RABGAP1L: variants seen among roughly 807,000 people sequenced by gnomAD.
RABGAP1L encodes RAB GTPase activating protein 1 like.
RABGAP1L carries 63 observed loss-of-function variants against 137.7 expected under a neutral mutation model. That is an observed-to-expected ratio of 0.46 (90% CI 0.37 to 0.56). The LOEUF is 0.56. Ranked by LOEUF, RABGAP1L falls within the 20% of genes least tolerant of loss-of-function variation. The pLI, the probability that RABGAP1L is intolerant of heterozygous loss-of-function variation, is 0.00. For missense variants in RABGAP1L, 1,095 were observed against 1,244.0 expected (o/e 0.88, Z 1.80); for synonymous variants, 431 against 433.7 (o/e 0.99, Z 0.08).
chr1:174,278,698 C>G lies in RABGAP1L; in HGVS notation c.1242C>G (p.Val414=). The change falls in exon 10 of 26, where the codon GTC becomes GTG. Residue 414 remains valine, a synonymous_variant. Coordinates refer to ENST00000681986, the MANE Select transcript of RABGAP1L (RefSeq NM_001366446.1). ...TTCGCTTTCTCCTGGAGACAGTAGT[C>G]CGTGTGTACCCTGCAAATGAGCGAT... ...EPVRFLLETV[V]RVYPANERFW... 6.2e-7 allele frequency: 1 copy of G among 1,600,366 alleles called. No homozygotes were observed. Among genetic ancestry groups the G allele is most frequent in the Non-Finnish European group, 8.5e-7 (1 of 1,176,230 alleles).
intron 13 of RABGAP1L, among the ~76,000 whole-genome samples, chr1:174,541,182 G>A (rs553293277): frequency 6.6e-6 from 1 of 152,298 alleles, no homozygotes; most frequent in South Asian, 2.1e-4. Context: ...AGCTTAGGGA[G>A]ATTTTGGGCT....
chr1:174,658,405 G>C (rs1486555162), intron 14 of RABGAP1L, among the ~76,000 whole-genome samples: 2 of 152,110 alleles, frequency 1.3e-5, no homozygotes, highest in East Asian at 3.9e-4. Flanking sequence ...AACAGCAGAA[G>C]ATTAATCTAG....
intron 11 of RABGAP1L, among the ~76,000 whole-genome samples, chr1:174,326,944 A>G (rs1001735401): frequency 1.3e-5 from 2 of 152,202 alleles, no homozygotes; most frequent in African/African-American, 4.8e-5. Flanking sequence ...AAACCTGTCA[A>G]CCAAGAATAC....
chr1:174,872,146 G>GTT (rs1027311505), intron 19 of RABGAP1L, among the ~76,000 whole-genome samples: 1 of 148,700 alleles, frequency 6.7e-6, no homozygotes, highest in African/African-American at 2.5e-5. Flanking sequence ...TTAATGCTAG[G>GTT]TTTTTTTTTT....
At chr1:174,181,232 C>T (rs1005217619) in intron 1 of RABGAP1L, among the ~76,000 whole-genome samples, 1 of 152,042 alleles carries the variant, frequency 6.6e-6, no homozygotes, top group Non-Finnish European at 1.5e-5. Context: ...TCTTGAATTC[C>T]TATGCTTAAG....
intron 13 of RABGAP1L, among the ~76,000 whole-genome samples, chr1:174,557,475 A>G (rs568713586): frequency 6.6e-6 from 1 of 152,250 alleles, no homozygotes; most frequent in African/African-American, 2.4e-5. Flanking sequence ...CCGTCATTCT[A>G]CTTCTACTAC....
At chr1:174,268,646 A>T (rs966596372) in intron 7 of RABGAP1L, among the ~76,000 whole-genome samples, 4 of 152,166 alleles carry the variant, frequency 2.6e-5, no homozygotes, top group Non-Finnish European at 4.4e-5. Flanking sequence ...AAAAGTTTTT[A>T]AAAAATTAGT....
At chr1:174,317,082 C>A (rs949649882) in intron 11 of RABGAP1L, among the ~76,000 whole-genome samples, 3 of 151,870 alleles carry the variant, frequency 2.0e-5, no homozygotes, top group African/African-American at 7.3e-5. Context: ...GAAGTGCTGT[C>A]CAAGAGTCAA....
intron 13 of RABGAP1L, among the ~76,000 whole-genome samples, chr1:174,516,644 C>T (rs1001623545): frequency 1.3e-5 from 2 of 152,102 alleles, no homozygotes; most frequent in African/African-American, 4.8e-5. Flanking sequence ...TTACTGAGTA[C>T]ACACTGTGTG....
intron 1 of RABGAP1L, among the ~76,000 whole-genome samples, chr1:174,181,803 C>T (rs1012618451): frequency 6.6e-6 from 1 of 152,118 alleles, no homozygotes; most frequent in East Asian, 1.9e-4. Flanking sequence ...AGGGAGACAG[C>T]TTAAACAAAT....
chr1:174,459,896 T>C (rs1272723739), intron 13 of RABGAP1L, among the ~76,000 whole-genome samples: 3 of 152,046 alleles, frequency 2.0e-5, no homozygotes, highest in African/African-American at 7.2e-5. Flanking sequence ...AATAGAAAAA[T>C]TTTATGTAAA....
chr1:174,616,137 G>T (rs1162312165), intron 13 of RABGAP1L, among the ~76,000 whole-genome samples: 9 of 152,194 alleles, frequency 5.9e-5, no homozygotes, highest in Admixed American at 3.9e-4. Context: ...TGGTACCTCA[G>T]ATGGAAATGC....
intron 17 of RABGAP1L, among the ~76,000 whole-genome samples, chr1:174,713,669 A>G (rs1040563993): frequency 1.4e-4 from 22 of 152,194 alleles, no homozygotes; most frequent in African/African-American, 5.1e-4. Context: ...TGCTGGCACT[A>G]TGCTTTGTGT....
intron 13 of RABGAP1L, among the ~76,000 whole-genome samples, chr1:174,622,992 A>G (rs1182491988): frequency 1.3e-5 from 2 of 152,180 alleles, no homozygotes; most frequent in Non-Finnish European, 2.9e-5. Flanking sequence ...GATCATTTTA[A>G]TAGTTATGTG....
rs1047544340 is a variant in RABGAP1L, at chr1:174,219,375, G to A, written c.138+80G>A. On this transcript the variant is annotated intron_variant, in intron 2 of 25. Transcript: ENST00000681986. ...CTTAGGAGATGTGTAAAATGCAAAG[G>A]TTTTTCTCAAGTGCTGACTTTCAAA... is the stretch of plus-strand genomic sequence containing the variant. The A allele has an allele frequency of 3.0e-6, 3 of 1,008,204 alleles. No individual in the cohort carries two copies. In the Admixed American group the frequency reaches 1.2e-4, roughly 39 times the overall value. The allele number at this position is 1,008,204 out of a possible 1,614,324, so 62.5% of individuals were successfully genotyped here.
chr1:174,810,934 A>G lies in RABGAP1L; in HGVS notation c.2212-898A>G, dbSNP rs577879859. Among the ~76,000 whole-genome samples the G allele has an allele frequency of 3.4e-4, 49 of 143,620 alleles. 2 individuals are homozygous for G. In the South Asian group the frequency reaches 5.2e-3, roughly 15 times the overall value. The allele number at this position is 143,620 out of a possible 152,430, so 94.2% of individuals were successfully genotyped here. A position where few individuals can be genotyped will look rare whatever the true frequency, so the allele number is the denominator to read the frequency against. On this transcript the variant is annotated intron_variant, in intron 18 of 25. Transcript: ENST00000681986. ...CAGAGTGAGACTCCCATCTCTATTT[A>G]AAAAAAAAAAAATTATAAGTAGCTG...
chr1:174,929,496 A>G (rs1392556684), intron 19 of RABGAP1L, among the ~76,000 whole-genome samples: 1 of 152,126 alleles, frequency 6.6e-6, no homozygotes. Flanking sequence ...TAATCCCAGC[A>G]CTTTGGGAGG....
Position 174,291,157 on chromosome 1 carries a change from GC to G in RABGAP1L, c.1323+12379del, listed in dbSNP as rs75920649. ...GCCTATAAATTCTTTTTCTTCTCTT[GC>G]TTAGTTTTTTTCTTCCCCCTGTGAA... On this transcript the variant is annotated intron_variant, in intron 10 of 25. Coordinates refer to ENST00000681986, the MANE Select transcript of RABGAP1L (RefSeq NM_001366446.1). Among the ~76,000 whole-genome samples the G allele has an allele frequency of 9.2e-5, 14 of 152,038 alleles. No individual in the cohort carries two copies. The East Asian group carries it at 2.7e-3, about 29-fold the overall frequency.
At chr1:174,516,499 G>A (rs1199633974) in intron 13 of RABGAP1L, among the ~76,000 whole-genome samples, 1 of 152,110 alleles carries the variant, frequency 6.6e-6, no homozygotes, top group Non-Finnish European at 1.5e-5. Context: ...TATTACAGGT[G>A]TGAGCCACCA....
Sources: allele counts gnomAD v4.1 joint callset (sites outside exome capture counted in the v4.1 genomes callset), GRCh38; gene constraint gnomAD v4.1.1; transcripts MANE v1.5; gene names NCBI Gene and HGNC (gene_info 2026-07-23, HGNC 2026-07-21).